Variants in DIAPH3 observed in about 807,000 individuals in gnomAD.
DIAPH3 encodes the protein diaphanous related formin 3, also known as protein diaphanous homolog 3.
A neutral mutation model predicts 144.3 loss-of-function variants in DIAPH3; 117 were observed. That is an observed-to-expected ratio of 0.81 (90% CI 0.70 to 0.95). The LOEUF is 0.95. DIAPH3 is among the 40% of genes least tolerant of loss of function. The pLI, the probability that DIAPH3 is intolerant of heterozygous loss-of-function variation, is 0.00. For missense variants in DIAPH3, 1,421 were observed against 1,412.7 expected, an observed-to-expected ratio of 1.01 and a Z score of -0.09; for synonymous variants, 519 against 488.9, an observed-to-expected ratio of 1.06 and a Z score of -0.81.
intron 17 of DIAPH3, among the ~76,000 whole-genome samples, chr13:59,955,319 A>G (rs1338477180): frequency 6.6e-6 from 1 of 151,904 alleles, no homozygotes; most frequent in Admixed American, 6.6e-5. Context: ...TGCTGTTGTC[A>G]TGATAGTGAA....
intron 27 of DIAPH3, among the ~76,000 whole-genome samples, chr13:59,765,217 T>C (rs900955686): frequency 1.3e-5 from 2 of 152,244 alleles, no homozygotes; most frequent in African/African-American, 4.8e-5. Context: ...GAACTATTCA[T>C]AGCAAGAAAA....
At chr13:59,804,510 A>G (rs1053940341) in intron 25 of DIAPH3, among the ~76,000 whole-genome samples, 2 of 152,202 alleles carry the variant, frequency 1.3e-5, no homozygotes, top group African/African-American at 4.8e-5. Context: ...TGAGTTTGTT[A>G]TAAGTATTAC....
intron 4 of DIAPH3, among the ~76,000 whole-genome samples, chr13:60,082,985 CA>C (rs1039757873): frequency 1.3e-5 from 2 of 151,970 alleles, no homozygotes; most frequent in Admixed American, 6.6e-5. Context: ...CCACTAAAAA[CA>C]GTAATTAAAC....
Position 59,924,945 on chromosome 13 carries a change from A to G in DIAPH3, c.2075-75T>C, listed in dbSNP as rs953332574. 1.4e-5 allele frequency: 21 copies of G among 1,519,976 alleles called. No individual in the cohort carries two copies. The African/African-American group carries it at 2.4e-4, about 17-fold the overall frequency. The allele number at this position is 1,519,976 out of a possible 1,614,324, so 94.2% of individuals were successfully genotyped here. Reference sequence around the variant, plus strand: ...CAAAAGTGGAAAAAGTGAACTTTTTATCATTAAATAAGCTAAAAAGGATGT... The same window carrying G: ...CAAAAGTGGAAAAAGTGAACTTTTTGTCATTAAATAAGCTAAAAAGGATGT... On this transcript the variant is annotated intron_variant, in intron 17 of 27. Transcript: ENST00000400324.
chr13:60,025,117 C>T (rs555213828), intron 5 of DIAPH3, among the ~76,000 whole-genome samples: 3 of 151,878 alleles, frequency 2.0e-5, no homozygotes, highest in Admixed American at 6.6e-5. Context: ...TTTTTTTCTG[C>T]GATATTTAGC....
At chr13:60,014,938 A>T (rs2140979299) in intron 7 of DIAPH3, among the ~76,000 whole-genome samples, 1 of 152,092 alleles carries the variant, frequency 6.6e-6, no homozygotes, top group East Asian at 1.9e-4. Context: ...ACTTCAGTAA[A>T]GAGCTTAAGA....
chr13:60,117,133 C>T (rs1427515521), intron 2 of DIAPH3, among the ~76,000 whole-genome samples: 11 of 151,882 alleles, frequency 7.2e-5, no homozygotes, highest in Non-Finnish European at 1.3e-4. Context: ...AAAGTAATAA[C>T]GTTAATAATA....
intron 24 of DIAPH3, among the ~76,000 whole-genome samples, chr13:59,820,615 A>G (rs1190780592): frequency 6.6e-6 from 1 of 151,758 alleles, no homozygotes; most frequent in Non-Finnish European, 1.5e-5. Context: ...TTAAAAAATC[A>G]ATGTGCATTT....
At chr13:60,042,440 A>G (rs889368757) in intron 5 of DIAPH3, among the ~76,000 whole-genome samples, 1 of 152,206 alleles carries the variant, frequency 6.6e-6, no homozygotes, top group Non-Finnish European at 1.5e-5. Context: ...TGTCTTTTAG[A>G]AAACACCTTA....
At chr13:59,965,299 T>C (rs1431158826) in intron 17 of DIAPH3, among the ~76,000 whole-genome samples, 2 of 152,142 alleles carry the variant, frequency 1.3e-5, no homozygotes, top group South Asian at 2.1e-4. Flanking sequence ...TGTTATAAAA[T>C]ATGATTACTT....
intron 24 of DIAPH3, among the ~76,000 whole-genome samples, chr13:59,822,829 G>A (rs550875066): frequency 4.6e-5 from 7 of 152,124 alleles, no homozygotes; most frequent in East Asian, 1.9e-4. Flanking sequence ...GTTTCCTCTT[G>A]TCTCTATGTG....
At chr13:59,883,778 C>T (rs558014660) in intron 20 of DIAPH3, among the ~76,000 whole-genome samples, 1 of 133,696 alleles carries the variant, frequency 7.5e-6, no homozygotes, top group East Asian at 2.5e-4. Context: ...CTCAAGCTTC[C>T]TCTGCTATGT....
At chr13:59,808,536 T>C (rs1263290517) in intron 25 of DIAPH3, among the ~76,000 whole-genome samples, 1 of 152,084 alleles carries the variant, frequency 6.6e-6, no homozygotes, top group East Asian at 1.9e-4. Context: ...GCATCAAAAG[T>C]CTTAAAAATA....
At chr13:59,775,924 T>C (rs944555531) in intron 25 of DIAPH3, among the ~76,000 whole-genome samples, 2 of 152,168 alleles carry the variant, frequency 1.3e-5, no homozygotes, top group Admixed American at 6.5e-5. Context: ...TTATCAATGT[T>C]AAATATTGTT....
At chr13:59,983,231 G>T (rs554749820) in intron 13 of DIAPH3, among the ~76,000 whole-genome samples, 3 of 149,602 alleles carry the variant, frequency 2.0e-5, no homozygotes, top group Admixed American at 6.7e-5. Context: ...AAGGCTTCGG[G>T]GGGGACAGGC....
chr13:59,798,577 CAT>C (rs2039731986), intron 25 of DIAPH3, among the ~76,000 whole-genome samples: 1 of 152,204 alleles, frequency 6.6e-6, no homozygotes, highest in Non-Finnish European at 1.5e-5. Flanking sequence ...CAAGATTCCA[CAT>C]TTCAAAGGAA....
At chr13:59,689,081 T>G (rs1434836321) in intron 27 of DIAPH3, among the ~76,000 whole-genome samples, 1 of 152,076 alleles carries the variant, frequency 6.6e-6, no homozygotes, top group Non-Finnish European at 1.5e-5. Flanking sequence ...GAGAGATAAT[T>G]GTGAATCTCT....
chr13:60,001,242 C>A (rs1390213799), intron 9 of DIAPH3, among the ~76,000 whole-genome samples: 1 of 152,180 alleles, frequency 6.6e-6, no homozygotes, highest in Non-Finnish European at 1.5e-5. Context: ...CCATTTACCA[C>A]CAGAAAGTTC....
At chr13:60,146,982 T>C (rs9538575) in intron 1 of DIAPH3, among the ~76,000 whole-genome samples, 34,322 of 152,102 alleles carry the variant, frequency 0.23, 4,037 homozygotes, top group South Asian at 0.28. Flanking sequence ...CGTAAACTTA[T>C]TGAGGGTAGC....
Sources: gnomAD v4.1 joint callset for allele counts (sites outside exome capture counted in the v4.1 genomes callset) on GRCh38, gnomAD v4.1.1 for gene constraint, MANE v1.5 for transcripts, NCBI Gene and HGNC (gene_info 2026-07-23, HGNC 2026-07-21) for gene names.